AAK1: variants seen among roughly 807,000 people sequenced by gnomAD.
AAK1 encodes the protein AP2 associated kinase 1.
AAK1 carries 37 observed loss-of-function variants against 116.0 expected under a neutral mutation model. The observed-to-expected ratio is 0.32, with a 90% CI of 0.25 to 0.42. The LOEUF is 0.42. AAK1 is among the 10% of genes least tolerant of loss of function. The probability of loss-of-function intolerance (pLI) is 1.00; values close to 1 mark genes in which losing one functional copy is unlikely to be tolerated. For missense variants in AAK1, 919 were observed against 1,170.6 expected (o/e 0.79, Z 3.14); for synonymous variants, 458 against 439.9 (o/e 1.04, Z -0.51).
At chr2:69,564,451 G>A (rs1671780743) in intron 2 of AAK1, among the ~76,000 whole-genome samples, 1 of 151,696 alleles carries the variant, frequency 6.6e-6, no homozygotes, top group African/African-American at 2.4e-5. Context: ...CTACAAAGGA[G>A]AGAAAAATTT....
In AAK1 at chr2:69,528,910, A is replaced by G. The variant is rs114245847; in HGVS notation, c.871+1098T>C. Reference sequence around the variant, plus strand: ...TACCAATCTCACTTACATACCTGGAATTCTAACATGGACATAATGCTTTAT... The same window carrying G: ...TACCAATCTCACTTACATACCTGGAGTTCTAACATGGACATAATGCTTTAT... On this transcript the variant is annotated intron_variant, in intron 8 of 21. Transcript: ENST00000409085. 4.5e-3 allele frequency among the ~76,000 whole-genome samples: 679 copies of G among 152,346 alleles called. 1 individual carries two copies. The highest frequency in any genetic ancestry group is 5.9e-3 in the Non-Finnish European group (404 of 68,034).
intron 17 of AAK1, among the ~76,000 whole-genome samples, chr2:69,484,212 G>C (rs1489922620): frequency 6.6e-6 from 1 of 152,130 alleles, no homozygotes; most frequent in Non-Finnish European, 1.5e-5. Flanking sequence ...TATTCTTCTA[G>C]GCCATTTGGG....
At chr2:69,525,941 A>G (rs1670003870) in intron 9 of AAK1, among the ~76,000 whole-genome samples, 1 of 152,170 alleles carries the variant, frequency 6.6e-6, no homozygotes, top group Non-Finnish European at 1.5e-5. Flanking sequence ...CTGGGAAACC[A>G]ACACACAATA....
chr2:69,507,755 G>A (rs1676244019), intron 14 of AAK1, among the ~76,000 whole-genome samples, 177 bp from the exon 15 acceptor site: 1 of 146,932 alleles, frequency 6.8e-6, no homozygotes, highest in South Asian at 2.1e-4. Context: ...CACCCACGTT[G>A]GAGCACAATG....
At position 69,475,654 on chromosome 2, in the gene AAK1, C is replaced by T. The variant is rs1291956209; in HGVS notation, c.*215G>A. 7.4e-7 allele frequency: 1 copy of T among 1,345,314 alleles called. No individual in the cohort carries two copies. Among genetic ancestry groups the T allele is most frequent in the African/African-American group, 1.5e-5 (1 of 68,160 alleles). The allele number at this position is 1,345,314 out of a possible 1,614,324, so 83.3% of individuals were successfully genotyped here. A position where few individuals can be genotyped will look rare whatever the true frequency, so the allele number is the denominator to read the frequency against. ...AAGGGTAATGAGAAAACACAGCAAA[C>T]TAACAAGGAGGAACTGGCCAAGGAA... On this transcript the variant is annotated 3_prime_UTR_variant, in exon 22 of 22. Coordinates refer to ENST00000409085, the MANE Select transcript of AAK1 (RefSeq NM_014911.5).
chr2:69,507,687 C>A, intron 14 of AAK1, 109 bp from the exon 15 acceptor site: 7 of 1,093,910 alleles, frequency 6.4e-6, no homozygotes, highest in Non-Finnish European at 8.8e-6. Context: ...CTGGGTCAAA[C>A]CATCATTTTC....
At chr2:69,530,185 A>G (rs768018520) in intron 7 of AAK1, 45 bp from the exon 8 acceptor site, 7 of 1,552,764 alleles carry the variant, frequency 4.5e-6, no homozygotes, top group Non-Finnish European at 6.1e-6. Context: ...CTTATTTATC[A>G]TGACTCTAAA....
chr2:69,479,057 A>G lies in AAK1; in HGVS notation c.2574T>C (p.Ser858=). The G allele has an allele frequency of 6.2e-7, 1 of 1,608,040 alleles. No individual in the cohort carries two copies. Among genetic ancestry groups the G allele is most frequent in the Non-Finnish European group, 8.5e-7 (1 of 1,174,504 alleles). Residue 858 remains serine, a synonymous_variant, in exon 20 of 22, where the codon TCT becomes TCC. Transcript: ENST00000409085. ...CAAGCAGGGAATCTTCCCCGGTGAG[A>G]GAATCTGAGTCCAGATTAACAGCAT... The part of the protein sequence containing the change: ...TESVTSNRTD[S]LTGEDSLLDC...
chr2:69,563,836 C>T (rs570348525), intron 2 of AAK1, among the ~76,000 whole-genome samples: 4 of 152,276 alleles, frequency 2.6e-5, no homozygotes, highest in African/African-American at 9.6e-5. Context: ...ATCCAGGAGA[C>T]GTAAATGAAC....
Position 69,480,938 on chromosome 2 carries a change from T to G in AAK1, c.2491A>C (p.Ser831Arg). The change falls in exon 19 of 22, where the codon AGT (serine) becomes CGT (arginine). Residue 831 changes from serine (S) to arginine (R), a missense_variant. This residue lies in a region of AAK1 where 263 missense variants were observed against 285.5 expected (regional missense o/e 0.92). Transcript: ENST00000409085. The stretch of plus-strand genomic sequence containing the variant: ...GGGGGCTCCAGTCCTGGTATGAGAC[T>G]CTCAACAGCAACATCAGCTTTTTCT... ...VIEKADVAVE[S>R]LIPGLEPPVP... is the part of the protein sequence containing the mutation. 6.2e-7 allele frequency: 1 copy of G among 1,606,410 alleles called. No homozygotes were observed. Among genetic ancestry groups the G allele is most frequent in the Non-Finnish European group, 8.5e-7 (1 of 1,177,016 alleles).
chr2:69,578,699 C>T (rs114785818), intron 2 of AAK1, among the ~76,000 whole-genome samples: 2 of 152,052 alleles, frequency 1.3e-5, no homozygotes, highest in Non-Finnish European at 2.9e-5. Flanking sequence ...TTAGGGACTT[C>T]ACTCCCTGAA....
At chr2:69,501,955 A>G (rs1247475970) in intron 16 of AAK1, among the ~76,000 whole-genome samples, 1 of 152,076 alleles carries the variant, frequency 6.6e-6, no homozygotes, top group Non-Finnish European at 1.5e-5. Flanking sequence ...TAGGCAACAG[A>G]GCGAGACACC....
At chr2:69,583,811 C>T (rs1178367010) in intron 2 of AAK1, among the ~76,000 whole-genome samples, 7 of 152,088 alleles carry the variant, frequency 4.6e-5, no homozygotes, top group Middle Eastern at 3.4e-3. Context: ...AAGTTGACTT[C>T]GTTCCACTTT....
At chr2:69,642,058 C>T (rs551206763) in intron 2 of AAK1, among the ~76,000 whole-genome samples, 4 of 152,156 alleles carry the variant, frequency 2.6e-5, no homozygotes, top group African/African-American at 9.6e-5. Context: ...AAAGATTTCC[C>T]GAAAGCCTGG....
chr2:69,601,871 C>T (rs1187886783), intron 2 of AAK1, among the ~76,000 whole-genome samples: 4 of 152,142 alleles, frequency 2.6e-5, no homozygotes, highest in East Asian at 1.9e-4. Context: ...CTACAAAATA[C>T]TTACTAATTA....
chr2:69,641,828 T>C (rs999397627), intron 2 of AAK1, among the ~76,000 whole-genome samples: 9 of 152,262 alleles, frequency 5.9e-5, no homozygotes, highest in East Asian at 3.9e-4. Flanking sequence ...ACCATCACCA[T>C]GTTGCAGTAA....
At position 69,474,373 on chromosome 2, in the gene AAK1, G is replaced by A; in HGVS notation, c.*1496C>T. On this transcript the variant is annotated 3_prime_UTR_variant, in exon 22 of 22. Coordinates refer to ENST00000409085, the MANE Select transcript of AAK1 (RefSeq NM_014911.5). ...TCTCTGTGCCCACTTCTTTTCAAAA[G>A]GGTGATTTTATAAAAGTGCTTTCCA... 3.0e-6 allele frequency: 3 copies of A among 985,752 alleles called. No homozygotes were observed. The highest frequency in any genetic ancestry group is 3.6e-6 in the Non-Finnish European group (3 of 829,904). The allele number at this position is 985,752 out of a possible 1,614,324, so 61.1% of individuals were successfully genotyped here. A position where few individuals can be genotyped will look rare whatever the true frequency, so the allele number is the denominator to read the frequency against.
intron 2 of AAK1, 73 bp downstream of exon 2, chr2:69,642,805 C>T: frequency 6.3e-7 from 1 of 1,599,610 alleles, no homozygotes; most frequent in Admixed American, 1.7e-5. Context: ...TTCATACATG[C>T]AACAACTAGA....
intron 17 of AAK1, among the ~76,000 whole-genome samples, chr2:69,492,518 CTTTTTTTTTTT>C (rs987331929): frequency 1.2e-5 from 1 of 83,400 alleles, no homozygotes; most frequent in Non-Finnish European, 2.1e-5. Flanking sequence ...CTGGCCAATT[CTTTTTTTTTTT>C]TTTTTTTTTT....
Sources: allele counts gnomAD v4.1 joint callset (sites outside exome capture counted in the v4.1 genomes callset), GRCh38; gene constraint gnomAD v4.1.1; regional missense constraint gnomAD v4.1.1; transcripts MANE v1.5; gene names NCBI Gene and HGNC (gene_info 2026-07-23, HGNC 2026-07-21).